CSTPP1: variants seen among roughly 807,000 people sequenced by gnomAD.
CSTPP1 encodes the protein centriolar satellite-associated tubulin polyglutamylase complex regulator 1.
At chr11:47,118,870 G>A in the CSTPP1 span, among the ~76,000 whole-genome samples, 3 of 152,258 alleles carry the variant, frequency 2.0e-5, no homozygotes, top group South Asian at 2.1e-4. Flanking sequence ...GGTGTCTGTC[G>A]GCCCCTACTG....
chr11:47,068,831 A>G, the CSTPP1 span, among the ~76,000 whole-genome samples: 1 of 152,214 alleles, frequency 6.6e-6, no homozygotes, highest in Non-Finnish European at 1.5e-5. Context: ...CTTCTCATCC[A>G]GTATAAAGAT....
the CSTPP1 span, among the ~76,000 whole-genome samples, chr11:47,014,492 T>C: frequency 6.6e-6 from 1 of 151,652 alleles, no homozygotes; most frequent in Admixed American, 6.6e-5. Flanking sequence ...ATCACCTAAG[T>C]TGGGAATTTG....
the CSTPP1 span, among the ~76,000 whole-genome samples, chr11:47,044,019 C>A: frequency 1.3e-5 from 2 of 152,148 alleles, no homozygotes; most frequent in Non-Finnish European, 2.9e-5. Context: ...TGGAGTCTCG[C>A]TCTGTCACCC....
the CSTPP1 span, among the ~76,000 whole-genome samples, chr11:47,115,544 G>C: frequency 6.6e-6 from 1 of 152,302 alleles, no homozygotes; most frequent in East Asian, 1.9e-4. Flanking sequence ...TCTTGGGAGA[G>C]TGTATATGTC....
the CSTPP1 span, among the ~76,000 whole-genome samples, chr11:47,078,824 C>A: frequency 1.3e-5 from 2 of 152,164 alleles, no homozygotes; most frequent in Admixed American, 1.3e-4. Context: ...TGGAAAATAT[C>A]TGAAGGCATG....
chr11:46,963,352 T>A, the CSTPP1 span, among the ~76,000 whole-genome samples: 1 of 151,662 alleles, frequency 6.6e-6, no homozygotes, highest in African/African-American at 2.4e-5. Flanking sequence ...TGAAAGGATG[T>A]TAGACTTTGT....
chr11:47,091,993 G>T, the CSTPP1 span, among the ~76,000 whole-genome samples: 1 of 152,330 alleles, frequency 6.6e-6, no homozygotes, highest in Middle Eastern at 3.4e-3. Flanking sequence ...CTACCAAATT[G>T]TAGTAATATT....
the CSTPP1 span, chr11:47,159,616 T>A: frequency 8.8e-6 from 4 of 456,096 alleles, no homozygotes; most frequent in Admixed American, 9.4e-5. Flanking sequence ...ATGACCACTC[T>A]TTCTTCCCAC....
chr11:47,157,310 C>T, the CSTPP1 span: 2 of 1,378,422 alleles, frequency 1.5e-6, no homozygotes, highest in Non-Finnish European at 1.9e-6. Flanking sequence ...TTCTGCGCGG[C>T]CCAGGCATTC....
At chr11:47,018,475 A>G in the CSTPP1 span, among the ~76,000 whole-genome samples, 5 of 151,740 alleles carry the variant, frequency 3.3e-5, no homozygotes, top group Admixed American at 6.6e-5. Context: ...TTGTAGTTTT[A>G]GTAGTTACGG....
chr11:47,027,857 CAAG>C, the CSTPP1 span, among the ~76,000 whole-genome samples: 39 of 151,550 alleles, frequency 2.6e-4, no homozygotes, highest in African/African-American at 8.7e-4. Flanking sequence ...CCACTGCTGA[CAAG>C]AAGAAGATGA....
chr11:47,062,090 C>T, the CSTPP1 span, among the ~76,000 whole-genome samples: 1 of 152,110 alleles, frequency 6.6e-6, no homozygotes, highest in Admixed American at 6.6e-5. Flanking sequence ...TGACTCCCTT[C>T]CTTATCTGAA....
At chr11:47,094,981 A>T in the CSTPP1 span, among the ~76,000 whole-genome samples, 5 of 152,180 alleles carry the variant, frequency 3.3e-5, no homozygotes. Context: ...CAGAAATAAA[A>T]CTGTTGTGTT....
the CSTPP1 span, among the ~76,000 whole-genome samples, chr11:46,970,947 A>G: frequency 6.6e-6 from 1 of 152,216 alleles, no homozygotes; most frequent in Non-Finnish European, 1.5e-5. Context: ...ACAAAGAATT[A>G]GATTTGTTAA....
At chr11:47,049,364 C>T in the CSTPP1 span, among the ~76,000 whole-genome samples, 11,918 of 151,932 alleles carry the variant, frequency 0.078, 488 homozygotes, top group Non-Finnish European at 0.089. Flanking sequence ...AGGCCAGGCG[C>T]GGTGGCTCAT....
At chr11:47,101,199 T>TC in the CSTPP1 span, among the ~76,000 whole-genome samples, 1 of 139,180 alleles carries the variant, frequency 7.2e-6, no homozygotes, top group South Asian at 2.4e-4. Flanking sequence ...TATTTTATTT[T>TC]TAGTAGAGAT....
At chr11:47,151,169 T>C in the CSTPP1 span, among the ~76,000 whole-genome samples, 1 of 152,118 alleles carries the variant, frequency 6.6e-6, no homozygotes, top group South Asian at 2.1e-4. Flanking sequence ...ATCCCAACAC[T>C]TTGGGAGGCC....
the CSTPP1 span, among the ~76,000 whole-genome samples, chr11:47,127,145 G>C: frequency 6.6e-6 from 1 of 152,112 alleles, no homozygotes; most frequent in Admixed American, 6.5e-5. Context: ...GCCAGCCTTT[G>C]AATGAGAAGG....
At chr11:47,116,961 G>A in the CSTPP1 span, among the ~76,000 whole-genome samples, 6 of 152,208 alleles carry the variant, frequency 3.9e-5, no homozygotes, top group East Asian at 7.7e-4. Context: ...GATTATAGGC[G>A]TGAGCCACCG....
Sources: allele counts gnomAD v4.1 joint callset (sites outside exome capture counted in the v4.1 genomes callset), GRCh38; gene constraint gnomAD v4.1.1; transcripts MANE v1.5; gene names NCBI Gene and HGNC (gene_info 2026-07-23, HGNC 2026-07-21).